Variants in ZNF343 observed in about 807,000 individuals in gnomAD.
ZNF343 encodes zinc finger protein 343.
A neutral mutation model predicts 13.8 loss-of-function variants in ZNF343; 11 were observed. That is an observed-to-expected ratio of 0.80 (90% confidence interval 0.50 to 1.32). The LOEUF (loss-of-function observed/expected upper bound fraction) is 1.32, where lower values mean the gene tolerates loss of function less well. Among genes scored for constraint, ZNF343 ranks in the 40% most tolerant of loss-of-function variants. The pLI, the probability that ZNF343 is intolerant of heterozygous loss-of-function variation, is 0.00. For synonymous variants in ZNF343, 248 were observed against 260.0 expected, an observed-to-expected ratio of 0.95 and a Z score of 0.44; for missense variants, 658 against 714.2, an observed-to-expected ratio of 0.92 and a Z score of 0.90.
intron 2 of ZNF343, among the ~76,000 whole-genome samples, chr20:2,494,929 C>T (rs897919533): frequency 1.3e-5 from 2 of 152,216 alleles, no homozygotes; most frequent in African/African-American, 4.8e-5. Flanking sequence ...CATGACCTTA[C>T]CACAGATGTG....
chr20:2,497,523 A>G (rs2085480502), intron 2 of ZNF343, among the ~76,000 whole-genome samples: 1 of 152,252 alleles, frequency 6.6e-6, no homozygotes. Context: ...CCAAGAAGAC[A>G]GAGTAAAATA....
chr20:2,502,931 CATA>C (rs1319947248), intron 1 of ZNF343, among the ~76,000 whole-genome samples: 1 of 152,142 alleles, frequency 6.6e-6, no homozygotes, highest in Non-Finnish European at 1.5e-5. Flanking sequence ...CAGCTAACAT[CATA>C]ATGACAGGAT....
At chr20:2,506,137 T>C (rs1283806228) in intron 1 of ZNF343, among the ~76,000 whole-genome samples, 2 of 152,110 alleles carry the variant, frequency 1.3e-5, no homozygotes, top group Non-Finnish European at 2.9e-5. Context: ...GGGTGAAGGA[T>C]ATGAACAGAC....
chr20:2,490,530 T>A (rs899034658), intron 5 of ZNF343, among the ~76,000 whole-genome samples: 1 of 148,862 alleles, frequency 6.7e-6, no homozygotes, highest in African/African-American at 2.5e-5. Context: ...TATGGGTCTT[T>A]TTTTTGGTTT....
In ZNF343 at chr20:2,482,947, G is replaced by A. The variant is rs2085190101; in HGVS notation, c.*214C>T. ...TGTCCTTTTGTGCATGCTCAAGGCT[G>A]ACTGATGGCTACAGTTGCCCGTACT... On this transcript the variant is annotated 3_prime_UTR_variant, in exon 6 of 6. Coordinates refer to ENST00000278772, the MANE Select transcript of ZNF343 (RefSeq NM_024325.6). 5 of 587,378 alleles carry A rather than the reference G, an allele frequency of 8.5e-6. No homozygotes were observed. Among genetic ancestry groups the A allele is most frequent in the Admixed American group, 3.2e-5 (1 of 31,666 alleles). The allele number at this position is 587,378 out of a possible 1,614,324, so 36.4% of individuals were successfully genotyped here.
chr20:2,502,201 G>A (rs1401292316), intron 1 of ZNF343, among the ~76,000 whole-genome samples: 1 of 152,208 alleles, frequency 6.6e-6, no homozygotes, highest in Non-Finnish European at 1.5e-5. Context: ...TCAACTGGAA[G>A]AAAGGGTATC....
upstream of ZNF343, among the ~76,000 whole-genome samples, chr20:2,509,989 A>T (rs1166320971): frequency 6.6e-6 from 1 of 152,210 alleles, no homozygotes; most frequent in Non-Finnish European, 1.5e-5. Context: ...AGGCCTGATG[A>T]GCCATCTCTT....
At chr20:2,523,698 T>TTTTTTA (rs2085792374) in intron 1 of ZNF343, among the ~76,000 whole-genome samples, 1 of 148,482 alleles carries the variant, frequency 6.7e-6, no homozygotes, top group African/African-American at 2.5e-5. Context: ...TTTTTTTTTT[T>TTTTTTA]GAGACGGAAT....
In ZNF343 at chr20:2,492,837, C is replaced by A. The variant is rs906212556; in HGVS notation, c.178-12G>T. 1 of 1,612,088 alleles carries A rather than the reference C, an allele frequency of 6.2e-7. No homozygotes were observed. ...AATGTAACTGGTACCTACAAACAACCAGTAAATTAATGTATAGCAAGCCAC... is the reference window on the plus strand; with the variant it reads ...AATGTAACTGGTACCTACAAACAACAAGTAAATTAATGTATAGCAAGCCAC... On this transcript the variant is annotated splice_polypyrimidine_tract_variant and intron_variant, in intron 4 of 5. Coordinates refer to ENST00000278772, the MANE Select transcript of ZNF343 (RefSeq NM_024325.6).
chr20:2,519,257 T>C (rs1481535836), intron 1 of ZNF343, among the ~76,000 whole-genome samples: 3 of 152,116 alleles, frequency 2.0e-5, no homozygotes, highest in Non-Finnish European at 4.4e-5. Context: ...ACTCCTTTAC[T>C]ACGCTCTCAT....
intron 5 of ZNF343, among the ~76,000 whole-genome samples, chr20:2,488,941 A>T (rs998682627): frequency 1.1e-4 from 16 of 152,172 alleles, no homozygotes; most frequent in Non-Finnish European, 1.2e-4. Flanking sequence ...GCTACTAGGA[A>T]GGTTGAGGTG....
intron 1 of ZNF343, among the ~76,000 whole-genome samples, chr20:2,520,140 GC>G (rs1286004360): frequency 2.6e-5 from 4 of 152,116 alleles, no homozygotes; most frequent in African/African-American, 9.7e-5. Flanking sequence ...GATAATGACT[GC>G]TTCTGAGCTA....
intron 1 of ZNF343, among the ~76,000 whole-genome samples, chr20:2,504,219 G>A (rs1176857055): frequency 6.6e-6 from 1 of 152,126 alleles, no homozygotes; most frequent in African/African-American, 2.4e-5. Context: ...AGAAGAAATG[G>A]ATAAATTCCT....
Position 2,518,624 on chromosome 20 carries a change from C to G in ZNF343, c.-347+5831G>C, listed in dbSNP as rs559108783. Among the ~76,000 whole-genome samples, 1 of 152,170 alleles carries G rather than the reference C, an allele frequency of 6.6e-6. No individual in the cohort carries two copies. The highest frequency in any genetic ancestry group is 1.5e-5 in the Non-Finnish European group (1 of 68,038). ...TACAACCCTCCCTTACAGACACTAC[C>G]TTCCAACATACCACATGCTCTCAGC... On this transcript the variant is annotated intron_variant, in intron 1 of 6. Transcript: ENST00000358413. This position sits in a 1 kb window ranked among gnomAD's most constrained non-coding sequence, Gnocchi z 4.6.
chr20:2,514,872 C>T (rs2085752495), intron 1 of ZNF343, among the ~76,000 whole-genome samples: 2 of 151,760 alleles, frequency 1.3e-5, no homozygotes, highest in Admixed American at 1.3e-4. Flanking sequence ...ACCCATAGTC[C>T]CAGCTACTCA....
intron 1 of ZNF343, among the ~76,000 whole-genome samples, chr20:2,514,384 A>G (rs1208677248): frequency 6.6e-6 from 1 of 152,252 alleles, no homozygotes; most frequent in African/African-American, 2.4e-5. Context: ...ATGAGCTTGA[A>G]TCGCCTGTGT....
At chr20:2,501,840 C>G (rs6083483) in intron 1 of ZNF343, among the ~76,000 whole-genome samples, 38,552 of 152,064 alleles carry the variant, frequency 0.25, 5,962 homozygotes, top group Non-Finnish European at 0.35. Flanking sequence ...ACCAAAGGTA[C>G]ATAAAACCAC....
intron 5 of ZNF343, among the ~76,000 whole-genome samples, chr20:2,491,245 A>C (rs2122594601): frequency 6.6e-6 from 1 of 152,344 alleles, no homozygotes; most frequent in South Asian, 2.1e-4. Context: ...TCTAAGTGTA[A>C]AATACAACCA....
At chr20:2,486,907 A>ACC (rs2085290147) in intron 5 of ZNF343, 1 of 152,212 alleles carries the variant, frequency 6.6e-6, no homozygotes, top group Non-Finnish European at 1.5e-5. Flanking sequence ...TTTTTCTGTA[A>ACC]AGAACCAGAG....
Sources: allele counts gnomAD v4.1 joint callset (sites outside exome capture counted in the v4.1 genomes callset), GRCh38; gene constraint gnomAD v4.1.1; non-coding constraint Gnocchi (gnomAD v3.1); transcripts MANE v1.5; gene names NCBI Gene and HGNC (gene_info 2026-07-23, HGNC 2026-07-21).